CEP57: variants seen among roughly 807,000 people sequenced by gnomAD.
CEP57 encodes the protein centrosomal protein 57.
Under a neutral mutation model 68.0 loss-of-function variants are expected in CEP57, and 40 were observed. The observed-to-expected ratio is 0.59, with a 90% CI of 0.46 to 0.77. The LOEUF (loss-of-function observed/expected upper bound fraction) is 0.77. Among genes scored for constraint, CEP57 ranks in the 30% least tolerant of loss-of-function variants. The pLI is 0.00. For synonymous variants in CEP57, 219 were observed against 198.7 expected, an observed-to-expected ratio of 1.10 and a Z score of -0.86; for missense variants, 606 against 580.7, an observed-to-expected ratio of 1.04 and a Z score of -0.45.
chr11:95,810,753 G>A (rs950802739), intron 2 of CEP57, among the ~76,000 whole-genome samples: 13 of 152,282 alleles, frequency 8.5e-5, no homozygotes, highest in East Asian at 7.7e-4. Context: ...AATCAATATC[G>A]TGGAAATAGC....
intron 8 of CEP57, among the ~76,000 whole-genome samples, chr11:95,823,914 CA>C (rs1408217214): frequency 5.3e-5 from 8 of 152,006 alleles, no homozygotes; most frequent in African/African-American, 1.9e-4. Context: ...GGACCCATAT[CA>C]AGTGCTACTA....
intron 2 of CEP57, among the ~76,000 whole-genome samples, chr11:95,809,258 C>G (rs1266676703): frequency 6.6e-6 from 1 of 152,006 alleles, no homozygotes; most frequent in Non-Finnish European, 1.5e-5. Flanking sequence ...CAGGAAAGAT[C>G]TAAAATTGAC....
Position 95,822,579 on chromosome 11 carries a change from G to T in CEP57, c.885+3G>T. 1 of 1,612,234 alleles carries T rather than the reference G, an allele frequency of 6.2e-7. No homozygotes were observed. The highest frequency in any genetic ancestry group is 1.1e-5 in the South Asian group (1 of 91,040). On this transcript the variant is annotated splice_donor_region_variant and intron_variant, in intron 8 of 10. Transcript: ENST00000325542. The stretch of plus-strand genomic sequence containing the variant: ...ATATGCCATTTGTAGCTGGGAAGGT[G>T]AGTTGGTCAAACTCCGGATTCTTTT...
chr11:95,818,789 T>C, intron 5 of CEP57, 38 bp from the exon 6 acceptor site: 1 of 1,530,626 alleles, frequency 6.5e-7, no homozygotes, highest in Non-Finnish European at 9.1e-7. Context: ...ACACTTAAGA[T>C]TTTTCACCTT....
intron 2 of CEP57, among the ~76,000 whole-genome samples, chr11:95,801,450 CAAAA>C (rs200265603): frequency 3.0e-5 from 2 of 66,688 alleles, no homozygotes. Flanking sequence ...TTTTAAAAAG[CAAAA>C]AAAAAAAAAA....
chr11:95,823,277 A>G (rs955163033), intron 8 of CEP57: 1 of 152,308 alleles, frequency 6.6e-6, no homozygotes, highest in Admixed American at 6.5e-5. Flanking sequence ...CATGGGGAAT[A>G]TAATAAATTA....
At position 95,813,110 on chromosome 11, in the gene CEP57, A is replaced by C; in HGVS notation, c.381A>C (p.Gln127His). ...AGAATGAGGAATCAAAGCACAATCA[A>C]GGTTTGTTGATGAAGAAAATTAAAA... ...NSKNEESKHN[Q>H]ELTSQLLAAE... Residue 127 changes from glutamine (Q) to histidine (H), a missense_variant and splice_region_variant, in exon 3 of 11, where the codon CAA (glutamine) becomes CAC (histidine). Gln to His is a conservative substitution (Grantham distance 24). Coordinates refer to ENST00000325542, the MANE Select transcript of CEP57 (RefSeq NM_014679.5). The C allele has an allele frequency of 6.2e-7, 1 of 1,612,170 alleles. No homozygotes were observed. The highest frequency in any genetic ancestry group is 1.3e-5 in the African/African-American group (1 of 75,000).
chr11:95,813,554 G>A lies in CEP57; in HGVS notation c.469G>A (p.Ala157Thr), dbSNP rs1227283411. ...ATACATGCGAAATATGATAAAGCATGCCGAAATGGAGAGGACATCTGTCTT... is the reference window on the plus strand; with the variant it reads ...ATACATGCGAAATATGATAAAGCATACCGAAATGGAGAGGACATCTGTCTT... ...LEYMRNMIKHAEMERTSVLEK... is the reference protein window; with the variant it reads ...LEYMRNMIKHTEMERTSVLEK... The change falls in exon 4 of 11, where the codon GCC (alanine) becomes ACC (threonine). Residue 157 changes from alanine (A) to threonine (T), a missense_variant. Ala to Thr is a moderately conservative substitution (Grantham distance 58). Coordinates refer to ENST00000325542, the MANE Select transcript of CEP57 (RefSeq NM_014679.5). 1.9e-6 allele frequency: 3 copies of A among 1,613,048 alleles called. No homozygotes were observed. Among genetic ancestry groups the A allele is most frequent in the Non-Finnish European group, 2.5e-6 (3 of 1,179,948 alleles).
chr11:95,813,802 C>G (rs749084449), intron 4 of CEP57, among the ~76,000 whole-genome samples: 12 of 152,174 alleles, frequency 7.9e-5, no homozygotes, highest in South Asian at 2.1e-4. Flanking sequence ...GGTAAAAATA[C>G]AGTTGTGAGA....
intron 2 of CEP57, among the ~76,000 whole-genome samples, chr11:95,807,206 A>T (rs560645793): frequency 4.6e-5 from 7 of 152,334 alleles, no homozygotes; most frequent in African/African-American, 1.4e-4. Context: ...CCAAAACCCC[A>T]TCTGCATGTC....
chr11:95,795,910 A>C (rs904208977), intron 1 of CEP57, among the ~76,000 whole-genome samples: 6 of 152,110 alleles, frequency 3.9e-5, no homozygotes, highest in African/African-American at 1.4e-4. Context: ...ATTGCCTTTT[A>C]TATCCATTTC....
chr11:95,794,777 ATTC>A (rs1405968244), intron 1 of CEP57, among the ~76,000 whole-genome samples: 5 of 152,134 alleles, frequency 3.3e-5, no homozygotes, highest in African/African-American at 7.2e-5. Flanking sequence ...CCTTGGTTGT[ATTC>A]TTCTATATTT....
chr11:95,824,839 G>T (rs1318883410), intron 8 of CEP57, among the ~76,000 whole-genome samples: 1 of 152,182 alleles, frequency 6.6e-6, no homozygotes, highest in Non-Finnish European at 1.5e-5. Context: ...CCTTCAAGGG[G>T]AAATATACCC....
intron 8 of CEP57, among the ~76,000 whole-genome samples, chr11:95,823,441 A>G (rs1261889334): frequency 2.6e-5 from 4 of 152,184 alleles, no homozygotes; most frequent in Non-Finnish European, 5.9e-5. Flanking sequence ...CTTGCAAACT[A>G]TAGCTTAGAA....
chr11:95,794,675 C>T (rs137975362), intron 1 of CEP57, among the ~76,000 whole-genome samples: 2 of 152,010 alleles, frequency 1.3e-5, no homozygotes, highest in East Asian at 1.9e-4. Context: ...TGATATCTTT[C>T]GATTAATAGT....
rs1053136366 is a variant in CEP57 at position 95,831,331 on chromosome 11, G to T, written c.*75G>T. 4 of 1,041,906 alleles carry T rather than the reference G, an allele frequency of 3.8e-6. No homozygotes were observed. Among genetic ancestry groups the T allele is most frequent in the Non-Finnish European group, 5.9e-6 (4 of 678,724 alleles). 64.5% of individuals were successfully genotyped at this position (1,041,906 alleles called of 1,614,324 possible). On this transcript the variant is annotated 3_prime_UTR_variant, in exon 11 of 11. Transcript: ENST00000325542. ...CAGATGATGACAATTTACTTCCCAG[G>T]TCTCATACTCACTTATGTTGGAATT...
intron 9 of CEP57, among the ~76,000 whole-genome samples, chr11:95,828,745 T>TTA (rs1862864895): frequency 6.6e-6 from 1 of 152,214 alleles, no homozygotes; most frequent in South Asian, 2.1e-4. Context: ...CTTGAACTTT[T>TTA]AAATTCATAT....
At chr11:95,796,515 T>C (rs914319542) in intron 1 of CEP57, among the ~76,000 whole-genome samples, 2 of 152,242 alleles carry the variant, frequency 1.3e-5, no homozygotes, top group Non-Finnish European at 2.9e-5. Context: ...AGTGATTTTG[T>C]TGAAAAGGAT....
chr11:95,822,153 A>G, intron 7 of CEP57, 175 bp downstream of exon 7: 1 of 625,832 alleles, frequency 1.6e-6, no homozygotes, highest in Admixed American at 2.8e-5. Context: ...TTATCCTGAT[A>G]GTGAGAAAAT....
Sources: gnomAD v4.1 joint callset for allele counts (sites outside exome capture counted in the v4.1 genomes callset) on GRCh38, gnomAD v4.1.1 for gene constraint, MANE v1.5 for transcripts, NCBI Gene and HGNC (gene_info 2026-07-23, HGNC 2026-07-21) for gene names.